SQOR: variants seen among roughly 807,000 people sequenced by gnomAD.
SQOR encodes the protein sulfide:quinone oxidoreductase, mitochondrial.
A neutral mutation model predicts 48.6 loss-of-function variants in SQOR; 39 were observed. That is an observed-to-expected ratio of 0.80 (90% CI 0.62 to 1.05). The LOEUF is 1.05. SQOR is among the 50% of genes least tolerant of loss of function. The pLI, the probability that SQOR is intolerant of heterozygous loss-of-function variation, is 0.00. For synonymous variants in SQOR, 220 were observed against 206.2 expected (o/e 1.07, Z -0.57); for missense variants, 561 against 559.9 (o/e 1.00, Z -0.02).
chr15:45,664,047 A>G (rs1355576246), intron 3 of SQOR, among the ~76,000 whole-genome samples: 1 of 151,926 alleles, frequency 6.6e-6, no homozygotes, highest in African/African-American at 2.4e-5. Context: ...GTTATTCATG[A>G]AAAAAAATAG....
intron 1 of SQOR, among the ~76,000 whole-genome samples, chr15:45,652,694 G>A (rs909608257): frequency 5.1e-5 from 7 of 137,916 alleles, no homozygotes; most frequent in African/African-American, 1.7e-4. Flanking sequence ...GTGGCTGGCC[G>A]GGCACGGTGG....
intron 1 of SQOR, among the ~76,000 whole-genome samples, chr15:45,637,864 T>C (rs1895032147): frequency 6.6e-6 from 1 of 152,242 alleles, no homozygotes; most frequent in Non-Finnish European, 1.5e-5. Context: ...TACTTTTTTC[T>C]TCTCCTTTCA....
At chr15:45,632,870 G>C (rs555827107), upstream of SQOR, among the ~76,000 whole-genome samples, 3 of 151,974 alleles carry the variant, frequency 2.0e-5, no homozygotes, top group African/African-American at 7.2e-5. Context: ...TTGAGAGGCT[G>C]AGGCGGGAGG....
chr15:45,656,868 G>A lies in SQOR; in HGVS notation c.-17-2039G>A, dbSNP rs1000767447. 3.1e-5 allele frequency among the ~76,000 whole-genome samples: 3 copies of A among 95,584 alleles called. No individual in the cohort carries two copies. The East Asian group carries it at 1.0e-3, about 32-fold the overall frequency. 62.7% of individuals were successfully genotyped at this position (95,584 alleles called of 152,430 possible). A position where few individuals can be genotyped will look rare whatever the true frequency, so the allele number is the denominator to read the frequency against. On this transcript the variant is annotated intron_variant, in intron 1 of 9. Coordinates refer to ENST00000260324, the MANE Select transcript of SQOR (RefSeq NM_021199.4). The stretch of plus-strand genomic sequence containing the variant: ...CACCCAGGTTGGAGTGCAGTGGCAT[G>A]ATCTCAGCTTACTGCAACCTCTGCC...
rs553004672 is a variant in SQOR at position 45,666,555 on chromosome 15, A to G, written c.406-3373A>G. Among the ~76,000 whole-genome samples the G allele has an allele frequency of 2.0e-5, 3 of 152,332 alleles. No individual in the cohort carries two copies. In the South Asian group the frequency reaches 6.2e-4, roughly 32 times the overall value. Reference sequence around the variant, plus strand: ...TGAAACCATATGAAGCACTTAGAACAGCACCTTGCACAGAGTAAATGCTCA... The same window carrying G: ...TGAAACCATATGAAGCACTTAGAACGGCACCTTGCACAGAGTAAATGCTCA... On this transcript the variant is annotated intron_variant, in intron 3 of 9. Transcript: ENST00000260324.
In SQOR at chr15:45,688,377, T is replaced by C. The variant is rs1244524524; in HGVS notation, c.1089T>C (p.Ile363=). ...TACTTGATAGGACAATTTCTGTAAT[T>C]ATGAAGAATCAAACACCAACAAAGA... ...SGILDRTISV[I]MKNQTPTKKY... is the part of the protein sequence containing the mutation. The change falls in exon 8 of 10, where the codon ATT becomes ATC. Residue 363 remains isoleucine, a synonymous_variant. Transcript: ENST00000260324. 2.5e-6 allele frequency: 4 copies of C among 1,608,652 alleles called. No individual in the cohort carries two copies. The highest frequency in any genetic ancestry group is 3.4e-6 in the Non-Finnish European group (4 of 1,178,412).
chr15:45,670,780 G>A (rs1595504961), intron 4 of SQOR, among the ~76,000 whole-genome samples: 2 of 152,210 alleles, frequency 1.3e-5, no homozygotes, highest in Non-Finnish European at 2.9e-5. Flanking sequence ...CTTGGGTTGT[G>A]TTGTGGGAAA....
At position 45,682,511 on chromosome 15, in the gene SQOR, C is replaced by G; in HGVS notation, c.898C>G (p.Pro300Ala). Residue 300 changes from proline (P) to alanine (A), a missense_variant, in exon 7 of 10, where the codon CCA (proline) becomes GCA (alanine). Pro to Ala is a conservative substitution (Grantham distance 27, BLOSUM62 -1). Coordinates refer to ENST00000260324, the MANE Select transcript of SQOR (RefSeq NM_021199.4). ...GCTTCATGTCACACCTCCAATGAGC[C>G]CACCAGATGTCCTCAAGACCAGTCC... The part of the protein sequence containing the change: ...EMLHVTPPMS[P>A]PDVLKTSPVA... The G allele has an allele frequency of 6.2e-7, 1 of 1,614,152 alleles. No individual in the cohort carries two copies.
At chr15:45,642,514 G>C (rs1447097914) in intron 1 of SQOR, among the ~76,000 whole-genome samples, 1 of 152,174 alleles carries the variant, frequency 6.6e-6, no homozygotes, top group South Asian at 2.1e-4. Flanking sequence ...TTGCTGCTTT[G>C]TGACTCCTAG....
At chr15:45,685,907 C>T (rs934713938) in intron 7 of SQOR, among the ~76,000 whole-genome samples, 5 of 152,152 alleles carry the variant, frequency 3.3e-5, no homozygotes, top group East Asian at 1.9e-4. Context: ...AGAGTGATCA[C>T]GGCTCGCTGC....
rs1889984454 is a variant in SQOR, at chr15:45,673,729, C to T, written c.582C>T (p.Phe194=). Residue 194 remains phenylalanine (F), a synonymous_variant, in exon 5 of 10, where the codon TTC becomes TTT. Coordinates refer to ENST00000260324, the MANE Select transcript of SQOR (RefSeq NM_021199.4). ...DFKEGNAIFT[F]PNTPVKCAGA... The stretch of plus-strand genomic sequence containing the variant: ...AAGAGGGCAATGCCATCTTCACCTT[C>T]CCAAATACTCCAGTGAAGTGTGCTG... The T allele has an allele frequency of 6.2e-7, 1 of 1,614,190 alleles. No homozygotes were observed. The highest frequency in any genetic ancestry group is 8.5e-7 in the Non-Finnish European group (1 of 1,180,028).
chr15:45,671,255 A>G (rs1354831579), intron 4 of SQOR, among the ~76,000 whole-genome samples: 1 of 152,150 alleles, frequency 6.6e-6, no homozygotes, highest in Non-Finnish European at 1.5e-5. Flanking sequence ...TCCCAGGTTA[A>G]AGCAATCTCC....
chr15:45,687,979 G>T (rs372834536), intron 7 of SQOR, among the ~76,000 whole-genome samples: 11 of 152,196 alleles, frequency 7.2e-5, no homozygotes, highest in African/African-American at 2.7e-4. Flanking sequence ...TGTGAACAGG[G>T]ACACAGGGAT....
At chr15:45,658,263 G>A (rs1292195782) in intron 1 of SQOR, among the ~76,000 whole-genome samples, 1 of 152,126 alleles carries the variant, frequency 6.6e-6, no homozygotes, top group Non-Finnish European at 1.5e-5. Context: ...TAGAGGTGTG[G>A]AGGGCCTTCA....
chr15:45,670,264 A>C (rs1889915056), intron 4 of SQOR, among the ~76,000 whole-genome samples: 1 of 152,244 alleles, frequency 6.6e-6, no homozygotes. Flanking sequence ...CACATTTGTA[A>C]GAAACATGTC....
At chr15:45,665,338 A>G (rs897758946) in intron 3 of SQOR, among the ~76,000 whole-genome samples, 4 of 152,176 alleles carry the variant, frequency 2.6e-5, no homozygotes, top group African/African-American at 9.7e-5. Context: ...AGAAATACAC[A>G]TGACATCTCA....
In SQOR at chr15:45,659,087, G is replaced by T. The variant is rs778061542; in HGVS notation, c.164G>T (p.Gly55Val). The change falls in exon 2 of 10, where the codon GGA becomes GTA. Residue 55 changes from glycine to valine, a missense_variant. Coordinates refer to ENST00000260324, the MANE Select transcript of SQOR (RefSeq NM_021199.4). ...EVLVLGGGSG[G>V]ITMAARMKRK... ...CTGGTGCTGGGTGGGGGCAGTGGCGGAATCACCATGGCTGCCCGCATGAAG... is the reference window on the plus strand; with the variant it reads ...CTGGTGCTGGGTGGGGGCAGTGGCGTAATCACCATGGCTGCCCGCATGAAG... 3.8e-6 allele frequency: 6 copies of T among 1,591,604 alleles called. No individual in the cohort carries two copies. In the Admixed American group the frequency reaches 9.0e-5, roughly 24 times the overall value.
intron 3 of SQOR, among the ~76,000 whole-genome samples, chr15:45,662,461 C>T (rs1889737879): frequency 6.6e-6 from 1 of 152,164 alleles, no homozygotes; most frequent in Admixed American, 6.5e-5. Flanking sequence ...CACCTTCCTC[C>T]TTCTCTTTTT....
intron 1 of SQOR, among the ~76,000 whole-genome samples, chr15:45,654,706 A>T (rs542816148): frequency 6.6e-6 from 1 of 152,136 alleles, no homozygotes; most frequent in Non-Finnish European, 1.5e-5. Context: ...GTGGAGGTTT[A>T]ATAGACAGGA....
Sources: gnomAD v4.1 joint callset for allele counts (sites outside exome capture counted in the v4.1 genomes callset) on GRCh38, gnomAD v4.1.1 for gene constraint, MANE v1.5 for transcripts, NCBI Gene and HGNC (gene_info 2026-07-23, HGNC 2026-07-21) for gene names.